The following ORM2 variants were observed in gnomAD, a reference collection of about 807,000 sequenced individuals.
ORM2 encodes alpha-1-acid glycoprotein 2.
Under a neutral mutation model 26.8 loss-of-function variants are expected in ORM2, and 19 were observed. That is an observed-to-expected ratio of 0.71 (90% CI 0.49 to 1.04). ORM2 has a LOEUF of 1.04. Ranked by LOEUF, ORM2 falls within the 50% of genes least tolerant of loss-of-function variation. The pLI, the probability that ORM2 is intolerant of heterozygous loss-of-function variation, is 0.00. For missense variants in ORM2, 259 were observed against 244.9 expected, an observed-to-expected ratio of 1.06 and a Z score of -0.39; for synonymous variants, 94 against 100.0, an observed-to-expected ratio of 0.94 and a Z score of 0.36.
intron 3 of ORM2, 91 bp from the exon 4 acceptor site, chr9:114,331,476 G>A (rs1396744746): frequency 7.8e-6 from 8 of 1,027,858 alleles, no homozygotes; most frequent in Non-Finnish European, 1.2e-5. Context: ...TGGGCTTTGT[G>A]GCCCCGGACA....
intron 1 of ORM2, 115 bp downstream of exon 1, chr9:114,330,133 C>A: frequency 6.3e-7 from 1 of 1,577,058 alleles, no homozygotes. Context: ...GCCTTTTTCT[C>A]TTCTGGGTCC....
intron 2 of ORM2, 99 bp downstream of exon 2, chr9:114,330,675 A>T: frequency 6.2e-7 from 1 of 1,601,796 alleles, no homozygotes; most frequent in Non-Finnish European, 8.5e-7. Flanking sequence ...CCATGGGTGG[A>T]ACCGGGAGGG....
Position 114,330,458 on chromosome 9 carries a change from G to GC in ORM2, c.140dup (p.Ser48IlefsTer10). 1 of 1,601,280 alleles carries GC rather than the reference G, an allele frequency of 6.2e-7. No homozygotes were observed. Among genetic ancestry groups the GC allele is most frequent in the Non-Finnish European group, 8.5e-7 (1 of 1,174,178 alleles). On this transcript the variant is annotated frameshift_variant, in exon 2 of 6. Coordinates refer to ENST00000431067, the MANE Select transcript of ORM2 (RefSeq NM_000608.4). LOFTEE classifies it high-confidence loss of function. ...GATCACTGGCAAGTGGTTTTATATCGCATCGGCCTTTCGAAACGAGGAGTA... is the reference window on the plus strand; with the variant it reads ...GATCACTGGCAAGTGGTTTTATATCGCCATCGGCCTTTCGAAACGAGGAGTA...
At position 114,331,680 on chromosome 9, in the gene ORM2, C is replaced by A. The variant is rs768014172; in HGVS notation, c.436+6C>A. 4 of 1,610,250 alleles carry A rather than the reference C, an allele frequency of 2.5e-6. No individual in the cohort carries two copies. The highest frequency in any genetic ancestry group is 2.7e-5 in the African/African-American group (2 of 74,606). Reference sequence around the variant, plus strand: ...CTGGGGGCTGTCTTTCTATGGTAGGCATGCTTAGCAGCCCCAAACTCATGC... The same window carrying A: ...CTGGGGGCTGTCTTTCTATGGTAGGAATGCTTAGCAGCCCCAAACTCATGC... On this transcript the variant is annotated splice_donor_region_variant and intron_variant, in intron 4 of 5. Coordinates refer to ENST00000431067, the MANE Select transcript of ORM2 (RefSeq NM_000608.4).
chr9:114,330,107 C>A (rs567418978), intron 1 of ORM2, 89 bp downstream of exon 1: 6 of 1,610,268 alleles, frequency 3.7e-6, no homozygotes, highest in South Asian at 3.3e-5. Context: ...GTGGTCGCAC[C>A]CCCACTCCCA....
Position 114,331,697 on chromosome 9 carries a change from A to G in ORM2, c.436+23A>G, listed in dbSNP as rs764150887. On this transcript the variant is annotated intron_variant, in intron 4 of 5. Transcript: ENST00000431067. Reference sequence around the variant, plus strand: ...ATGGTAGGCATGCTTAGCAGCCCCAAACTCATGCCCCTCTCAGGCCTCACC... The same window carrying G: ...ATGGTAGGCATGCTTAGCAGCCCCAGACTCATGCCCCTCTCAGGCCTCACC... 4 of 1,603,856 alleles carry G rather than the reference A, an allele frequency of 2.5e-6. No individual in the cohort carries two copies. The Admixed American group carries it at 6.7e-5, about 27-fold the overall frequency.
rs749930859 is a variant in ORM2, at chr9:114,330,754, A to G, written c.258-38A>G. ...GGCGATTGGCCACTTCTCCTCGATAACATTACTGTTTTTCTTCCGCCTTCT... is the reference window on the plus strand; with the variant it reads ...GGCGATTGGCCACTTCTCCTCGATAGCATTACTGTTTTTCTTCCGCCTTCT... On this transcript the variant is annotated intron_variant, in intron 2 of 5. Coordinates refer to ENST00000431067, the MANE Select transcript of ORM2 (RefSeq NM_000608.4). The G allele has an allele frequency of 5.0e-6, 8 of 1,608,398 alleles. No homozygotes were observed. In the Admixed American group the frequency reaches 8.3e-5, roughly 17 times the overall value.
chr9:114,332,516 T>A (rs747536724), intron 5 of ORM2, among the ~76,000 whole-genome samples: 1 of 152,126 alleles, frequency 6.6e-6, no homozygotes, highest in Admixed American at 6.5e-5. Flanking sequence ...ATTTTTAAAA[T>A]ATATACATGC....
rs755434660 is a variant in ORM2 at position 114,329,998 on chromosome 9, A to T, written c.94A>T (p.Thr32Ser). 6.3e-7 allele frequency: 1 copy of T among 1,580,660 alleles called. No individual in the cohort carries two copies. Among genetic ancestry groups the T allele is most frequent in the Non-Finnish European group, 8.6e-7 (1 of 1,165,300 alleles). Residue 32 changes from threonine to serine, a missense_variant, in exon 1 of 6, where the codon ACC becomes TCC. Transcript: ENST00000431067. ...TGCCAACCTAGTACCGGTGCCCATC[A>T]CCAACGCCACCCTGGACCGGGTGAG... The part of the protein sequence containing the change: ...LCANLVPVPI[T>S]NATLDRITGK...
At chr9:114,331,743 G>A (rs1285455367) in intron 4 of ORM2, 69 bp downstream of exon 4, 23 of 1,586,336 alleles carry the variant, frequency 1.4e-5, no homozygotes, top group African/African-American at 4.1e-5. Flanking sequence ...CCACCCCTGG[G>A]CTGGCCCCTA....
intron 2 of ORM2, 25 bp downstream of exon 2, chr9:114,330,601 C>T: frequency 6.2e-7 from 1 of 1,610,784 alleles, no homozygotes; most frequent in Non-Finnish European, 8.5e-7. Flanking sequence ...TCCAATGCAC[C>T]CCCATCTCAG....
At chr9:114,330,749 C>T (rs17230081) in intron 2 of ORM2, 43 bp from the exon 3 acceptor site, 318,053 of 1,604,962 alleles carry the variant, frequency 0.2, 33,522 homozygotes, top group South Asian at 0.28. Context: ...CACTTCTCCT[C>T]GATAACATTA....
Position 114,332,172 on chromosome 9 carries a change from A to C in ORM2, c.540+243A>C, listed in dbSNP as rs1247509975. Among the ~76,000 whole-genome samples, 3 of 151,874 alleles carry C rather than the reference A, an allele frequency of 2.0e-5. No homozygotes were observed. The East Asian group carries it at 5.8e-4, about 29-fold the overall frequency. On this transcript the variant is annotated intron_variant, in intron 5 of 5. Transcript: ENST00000431067. ...GACCTGAAAGCTAACAGGAGGGAAC[A>C]GCGTGAGCCACGGGGTTGGGGGATT...
rs1487278861 is a variant in ORM2, at chr9:114,330,572, A to T, written c.253A>T (p.Thr85Ser). The change falls in exon 2 of 6, where the codon ACC becomes TCC. Residue 85 changes from threonine (T) to serine (S), a missense_variant. This residue lies in a region of ORM2 where 251 missense variants were observed against 220.5 expected (regional missense o/e 1.14). Coordinates refer to ENST00000431067, the MANE Select transcript of ORM2 (RefSeq NM_000608.4). Reference sequence around the variant, plus strand: ...CACGATCTTTCTCAGAGAGTACCAGACCCGGTGAGAGCCCCCATTCCAATG... The same window carrying T: ...CACGATCTTTCTCAGAGAGTACCAGTCCCGGTGAGAGCCCCCATTCCAATG... ...EDTIFLREYQTRQNQCFYNSS... is the reference protein window; with the variant it reads ...EDTIFLREYQSRQNQCFYNSS... 6.2e-6 allele frequency: 10 copies of T among 1,612,752 alleles called. No individual in the cohort carries two copies. Among genetic ancestry groups the T allele is most frequent in the Middle Eastern group, 1.6e-4 (1 of 6,080 alleles).
rs745871164 is a variant in ORM2, at chr9:114,331,598, G to A, written c.360G>A (p.Leu120=). Reference sequence around the variant, plus strand: ...GCCGAGAACATGTTGCTCACCTGCTGTTCCTTAGGGACACCAAGACCTTGA... The same window carrying A: ...GCCGAGAACATGTTGCTCACCTGCTATTCCTTAGGGACACCAAGACCTTGA... ...EGGREHVAHL[L]FLRDTKTLMF... is the part of the protein sequence containing the mutation. Residue 120 remains leucine (L), a synonymous_variant, in exon 4 of 6, where the codon CTG becomes CTA. Coordinates refer to ENST00000431067, the MANE Select transcript of ORM2 (RefSeq NM_000608.4). 21 of 1,613,888 alleles carry A rather than the reference G, an allele frequency of 1.3e-5. 1 individual carries two copies. The South Asian group carries it at 1.6e-4, about 13-fold the overall frequency.
chr9:114,331,664 G>A lies in ORM2; in HGVS notation c.426G>A (p.Leu142=), dbSNP rs1244678663. The change falls in exon 4 of 6, where the codon CTG becomes CTA. Residue 142 remains leucine, a synonymous_variant. Coordinates refer to ENST00000431067, the MANE Select transcript of ORM2 (RefSeq NM_000608.4). The part of the protein sequence containing the change: ...SYLDDEKNWG[L]SFYADKPETT... ...TGGACGATGAGAAGAACTGGGGGCTGTCTTTCTATGGTAGGCATGCTTAGC... is the reference window on the plus strand; with the variant it reads ...TGGACGATGAGAAGAACTGGGGGCTATCTTTCTATGGTAGGCATGCTTAGC... The A allele has an allele frequency of 6.2e-7, 1 of 1,613,430 alleles. No individual in the cohort carries two copies. The highest frequency in any genetic ancestry group is 8.5e-7 in the Non-Finnish European group (1 of 1,179,666).
rs1829851311 is a variant in ORM2, at chr9:114,331,558, C to T, written c.329-9C>T. ...ATGTTCTCACCCAGAGGCTCTTTTT[C>T]TCTTCCAGAGGGAGGCCGAGAACAT... On this transcript the variant is annotated splice_polypyrimidine_tract_variant and intron_variant, in intron 3 of 5. Transcript: ENST00000431067. The T allele has an allele frequency of 6.2e-7, 1 of 1,609,344 alleles. No individual in the cohort carries two copies. Among genetic ancestry groups the T allele is most frequent in the African/African-American group, 1.3e-5 (1 of 74,458 alleles).
chr9:114,331,451 C>G, intron 3 of ORM2, 116 bp from the exon 4 acceptor site: 1 of 797,080 alleles, frequency 1.3e-6, no homozygotes, highest in Non-Finnish European at 2.1e-6. Context: ...CAAAGGAGAC[C>G]CGGGCCTTCA....
At position 114,331,876 on chromosome 9, in the gene ORM2, C is replaced by G; in HGVS notation, c.487C>G (p.Leu163Val). The G allele has an allele frequency of 6.2e-7, 1 of 1,613,868 alleles. No homozygotes were observed. The highest frequency in any genetic ancestry group is 8.5e-7 in the Non-Finnish European group (1 of 1,179,880). Reference sequence around the variant, plus strand: ...GCAACTGGGAGAGTTCTACGAAGCTCTCGACTGCTTGTGCATTCCCAGGTC... The same window carrying G: ...GCAACTGGGAGAGTTCTACGAAGCTGTCGACTGCTTGTGCATTCCCAGGTC... The part of the protein sequence containing the change: ...KEQLGEFYEA[L>V]DCLCIPRSDV... The change falls in exon 5 of 6, where the codon CTC becomes GTC. Residue 163 changes from leucine to valine, a missense_variant. By Grantham distance (32) the Leu-to-Val change is conservative. Transcript: ENST00000431067.
Sources: gnomAD v4.1 joint callset for allele counts (sites outside exome capture counted in the v4.1 genomes callset) on GRCh38, gnomAD v4.1.1 for gene constraint, gnomAD v4.1.1 regional missense constraint, MANE v1.5 for transcripts, NCBI Gene and HGNC (gene_info 2026-07-23, HGNC 2026-07-21) for gene names.